The following FAM114A2 variants were observed in gnomAD, a reference collection of about 807,000 sequenced individuals.
The protein encoded by FAM114A2 is protein FAM114A2.
In FAM114A2, 53 loss-of-function variants were observed where a neutral mutation model predicts 58.4. That is an observed-to-expected ratio of 0.91 (90% CI 0.73 to 1.14). The LOEUF is 1.14. Among genes scored for constraint, FAM114A2 ranks in the 50% most tolerant of loss-of-function variants. FAM114A2 has a pLI of 0.00. For synonymous variants in FAM114A2, 228 were observed against 211.4 expected, an observed-to-expected ratio of 1.08 and a Z score of -0.68; for missense variants, 601 against 581.1, an observed-to-expected ratio of 1.03 and a Z score of -0.35.
chr5:154,000,492 T>C (rs1028809227), intron 11 of FAM114A2, among the ~76,000 whole-genome samples: 5 of 152,112 alleles, frequency 3.3e-5, no homozygotes, highest in Non-Finnish European at 7.4e-5. Context: ...CAGTAAAATA[T>C]TTTTTAAAAA....
chr5:154,011,399 G>C, intron 8 of FAM114A2, 79 bp from the exon 9 acceptor site: 1 of 893,036 alleles, frequency 1.1e-6, no homozygotes, highest in South Asian at 1.4e-5. Context: ...AGGAAGAGGA[G>C]AGGAGTGGTA....
intron 8 of FAM114A2, among the ~76,000 whole-genome samples, chr5:154,019,646 T>C (rs746229086): frequency 9.9e-5 from 15 of 152,070 alleles, no homozygotes; most frequent in Non-Finnish European, 1.9e-4. Context: ...TATAAGACCA[T>C]AGTCACCAAA....
rs780874877 is a variant in FAM114A2 at position 154,034,284 on chromosome 5, T to C, written c.304A>G (p.Thr102Ala). Residue 102 changes from threonine to alanine, a missense_variant, in exon 3 of 14, where the codon ACA (threonine) becomes GCA (alanine). Coordinates refer to ENST00000351797, the MANE Select transcript of FAM114A2 (RefSeq NM_018691.4). Reference protein sequence around the residue: ...ILSSASATVATVGQGISNVIE... With the variant: ...ILSSASATVAAVGQGISNVIE... ...AAATGACTGATGATCTTACCTACTG[T>C]AGCTACTGTAGCCGAGGCTGAGGAG... 5.8e-5 allele frequency: 92 copies of C among 1,573,778 alleles called. No individual in the cohort carries two copies. Among genetic ancestry groups the C allele is most frequent in the Admixed American group, 2.6e-4 (14 of 53,956 alleles).
At chr5:154,021,077 C>T (rs892180469) in intron 8 of FAM114A2, among the ~76,000 whole-genome samples, 2 of 152,150 alleles carry the variant, frequency 1.3e-5, no homozygotes, top group Non-Finnish European at 2.9e-5. Context: ...GCAGAAAAGG[C>T]CTTTGACAAA....
At chr5:154,029,883 G>C (rs1054786780) in intron 4 of FAM114A2, among the ~76,000 whole-genome samples, 4 of 152,128 alleles carry the variant, frequency 2.6e-5, no homozygotes. Flanking sequence ...TGTAAGGTCA[G>C]AAAACAGATC....
intron 8 of FAM114A2, among the ~76,000 whole-genome samples, chr5:154,020,334 C>T (rs375100390): frequency 6.9e-6 from 1 of 144,326 alleles, no homozygotes; most frequent in Non-Finnish European, 1.5e-5. Flanking sequence ...CACAAAAAAA[C>T]CCTTCAAAAA....
intron 6 of FAM114A2, 36 bp from the exon 7 acceptor site, chr5:154,027,370 AAT>A: frequency 6.3e-7 from 1 of 1,577,216 alleles, no homozygotes; most frequent in Non-Finnish European, 8.6e-7. Context: ...TGTAGCAAAC[AAT>A]GAGAGCTCAA....
Position 154,034,396 on chromosome 5 carries a change from GA to G in FAM114A2, c.211-20del. ...CATTATCCTAATTTCCCAGTAGGCA[GA>G]AAAACAAAAGGCAAAGAAAAATGAA... On this transcript the variant is annotated intron_variant, in intron 2 of 13. Transcript: ENST00000351797. 1 of 1,471,204 alleles carries G rather than the reference GA, an allele frequency of 6.8e-7. No homozygotes were observed. The highest frequency in any genetic ancestry group is 1.4e-5 in the African/African-American group (1 of 70,374). 91.1% of individuals were successfully genotyped at this position (1,471,204 alleles called of 1,614,324 possible).
rs2113510557 is a variant in FAM114A2 at position 154,034,371 on chromosome 5, CA to C, written c.216del (p.Asn72LysfsTer29). On this transcript the variant is annotated frameshift_variant, in exon 3 of 14. Coordinates refer to ENST00000351797, the MANE Select transcript of FAM114A2 (RefSeq NM_018691.4). LOFTEE classifies it high-confidence loss of function. ...ETSKVLPIQD[N>X]VSKDVPQTRW... ...CTGGTCTGGGGTACATCTTTGGAAACATTATCCTAATTTCCCAGTAGGCAGA... is the reference window on the plus strand; with the variant it reads ...CTGGTCTGGGGTACATCTTTGGAAACTTATCCTAATTTCCCAGTAGGCAGA... 2 of 1,556,590 alleles carry C rather than the reference CA, an allele frequency of 1.3e-6. No homozygotes were observed. Among genetic ancestry groups the C allele is most frequent in the Non-Finnish European group, 1.7e-6 (2 of 1,152,694 alleles).
intron 11 of FAM114A2, among the ~76,000 whole-genome samples, chr5:154,002,013 T>G (rs998811130): frequency 3.9e-5 from 6 of 152,154 alleles, no homozygotes; most frequent in African/African-American, 1.4e-4. Flanking sequence ...CTATTAAAAC[T>G]TATCTGTAAA....
At chr5:154,000,127 T>C (rs1343865084) in intron 11 of FAM114A2, among the ~76,000 whole-genome samples, 3 of 152,206 alleles carry the variant, frequency 2.0e-5, no homozygotes, top group African/African-American at 4.8e-5. Flanking sequence ...CTCACTCATA[T>C]GTGGGAGCTA....
intron 13 of FAM114A2, 44 bp downstream of exon 13, chr5:153,994,875 T>C (rs372579393): frequency 4.7e-6 from 6 of 1,270,980 alleles, no homozygotes; most frequent in Non-Finnish European, 4.6e-6. Context: ...GAGTTAATTA[T>C]ACGTAATACC....
rs566240010 is a variant in FAM114A2, at chr5:154,029,411, A to G, written c.495+78T>C. On this transcript the variant is annotated intron_variant, in intron 5 of 13. Transcript: ENST00000351797. ...AAGTAATCAGTCCACATGGCTGTTC[A>G]AAGAAAAGAGAGAGAAAGATATGCA... 4.3e-4 allele frequency: 377 copies of G among 870,098 alleles called. 4 individuals are homozygous for G. The South Asian group carries it at 4.8e-3, about 11-fold the overall frequency. The allele number at this position is 870,098 out of a possible 1,614,324, so 53.9% of individuals were successfully genotyped here. A position where few individuals can be genotyped will look rare whatever the true frequency, so the allele number is the denominator to read the frequency against.
chr5:154,026,385 A>C lies in FAM114A2; in HGVS notation c.913+14T>G, dbSNP rs373739226. 1 of 1,543,588 alleles carries C rather than the reference A, an allele frequency of 6.5e-7. No individual in the cohort carries two copies. The highest frequency in any genetic ancestry group is 8.7e-7 in the Non-Finnish European group (1 of 1,148,852). Reference sequence around the variant, plus strand: ...CTGCATCCTCTCCACTCAGATACTAAATTTTCATATTACCTTTTTTCTCTT... The same window carrying C: ...CTGCATCCTCTCCACTCAGATACTACATTTTCATATTACCTTTTTTCTCTT... On this transcript the variant is annotated intron_variant, in intron 8 of 13. Coordinates refer to ENST00000351797, the MANE Select transcript of FAM114A2 (RefSeq NM_018691.4).
At chr5:154,021,186 T>C (rs987971455) in intron 8 of FAM114A2, among the ~76,000 whole-genome samples, 3 of 152,174 alleles carry the variant, frequency 2.0e-5, no homozygotes, top group African/African-American at 7.2e-5. Flanking sequence ...CCACAGCCAG[T>C]ATCATACTGA....
rs1385110800 is a variant in FAM114A2 at position 154,027,163 on chromosome 5, G to C, written c.789+13C>G. On this transcript the variant is annotated intron_variant, in intron 7 of 13. Coordinates refer to ENST00000351797, the MANE Select transcript of FAM114A2 (RefSeq NM_018691.4). ...GAAGACTTTTTCCAGTTGAGATTTT[G>C]GCTTGGAATTACCTTTATTTCACTT... The C allele has an allele frequency of 4.4e-6, 7 of 1,596,548 alleles. No homozygotes were observed. The highest frequency in any genetic ancestry group is 6.0e-6 in the Non-Finnish European group (7 of 1,173,286).
chr5:154,029,604 A>G lies in FAM114A2; in HGVS notation c.404-24T>C, dbSNP rs1359104084. On this transcript the variant is annotated intron_variant, in intron 4 of 13. Transcript: ENST00000351797. ...TCCTACAAGAGGGAGGGGATGTGTA[A>G]ACATGAAGGGAAGGTCCCTTAACTC... The G allele has an allele frequency of 3.0e-6, 4 of 1,335,524 alleles. No individual in the cohort carries two copies. In the South Asian group the frequency reaches 3.5e-5, roughly 12 times the overall value. The allele number at this position is 1,335,524 out of a possible 1,614,324, so 82.7% of individuals were successfully genotyped here. A position where few individuals can be genotyped will look rare whatever the true frequency, so the allele number is the denominator to read the frequency against.
intron 2 of FAM114A2, 25 bp downstream of exon 2, chr5:154,034,719 C>G (rs1451122539): frequency 1.2e-5 from 18 of 1,507,020 alleles, no homozygotes; most frequent in Non-Finnish European, 1.7e-5. Flanking sequence ...AATAGATACC[C>G]TACTTTTTCT....
intron 8 of FAM114A2, among the ~76,000 whole-genome samples, chr5:154,025,499 T>C (rs1472954264): frequency 6.6e-6 from 1 of 152,192 alleles, no homozygotes; most frequent in Non-Finnish European, 1.5e-5. Context: ...TGCAGAGTTC[T>C]GACTCATAGA....
Sources: gnomAD v4.1 joint callset for allele counts (sites outside exome capture counted in the v4.1 genomes callset) on GRCh38, gnomAD v4.1.1 for gene constraint, MANE v1.5 for transcripts, NCBI Gene and HGNC (gene_info 2026-07-23, HGNC 2026-07-21) for gene names.